Variants in EPAS1 observed in about 807,000 individuals in gnomAD.
The protein encoded by EPAS1 is endothelial PAS domain protein 1.
A neutral mutation model predicts 87.9 loss-of-function variants in EPAS1; 23 were observed. The observed-to-expected ratio is 0.26, with a 90% CI of 0.19 to 0.37. The LOEUF (loss-of-function observed/expected upper bound fraction) is 0.37. EPAS1 is among the 10% of genes least tolerant of loss of function. EPAS1 has a pLI of 1.00. For synonymous variants in EPAS1, 508 were observed against 444.3 expected (o/e 1.14, Z -1.80); for missense variants, 1,138 against 1,120.7 (o/e 1.02, Z -0.22).
At chr2:46,370,065 T>G (rs771035865) in intron 7 of EPAS1, 132 bp downstream of exon 7, 3 of 756,422 alleles carry the variant, frequency 4.0e-6, no homozygotes, top group Admixed American at 2.0e-5. Flanking sequence ...CAGACAAGAC[T>G]TATGCCCTCA....
chr2:46,358,976 C>A (rs1684328144), intron 4 of EPAS1, among the ~76,000 whole-genome samples: 1 of 152,038 alleles, frequency 6.6e-6, no homozygotes, highest in South Asian at 2.1e-4. Context: ...AAAGAATGAA[C>A]AAGGCCAGGC....
chr2:46,325,016 G>A (rs1572620798), intron 1 of EPAS1, among the ~76,000 whole-genome samples: 2 of 152,300 alleles, frequency 1.3e-5, no homozygotes, highest in South Asian at 4.1e-4. Flanking sequence ...TCTTAACATC[G>A]AAAGAGAAGA....
chr2:46,379,968 G>A (rs936941340), intron 11 of EPAS1: 3 of 580,344 alleles, frequency 5.2e-6, no homozygotes, highest in Non-Finnish European at 9.3e-6. Flanking sequence ...AGGTGGGATG[G>A]GGAGAGGAGA....
chr2:46,369,722 T>C (rs1684584883), intron 6 of EPAS1, 105 bp from the exon 7 acceptor site: 1 of 758,942 alleles, frequency 1.3e-6, no homozygotes, highest in African/African-American at 1.7e-5. Flanking sequence ...TGTGTTCATC[T>C]GCATGTGTGT....
At chr2:46,382,753 G>T (rs777820274) in intron 15 of EPAS1, among the ~76,000 whole-genome samples, 155 bp downstream of exon 15, 1 of 152,216 alleles carries the variant, frequency 6.6e-6, no homozygotes, top group Non-Finnish European at 1.5e-5. Flanking sequence ...TGGATTTAGG[G>T]AACCTCCTCA....
intron 6 of EPAS1, among the ~76,000 whole-genome samples, chr2:46,363,468 G>A (rs530860556): frequency 6.6e-6 from 1 of 152,298 alleles, no homozygotes; most frequent in Admixed American, 6.5e-5. Context: ...TCTGGAAGGG[G>A]TAATTCAGCC....
chr2:46,357,372 A>T (rs779294149), intron 4 of EPAS1, among the ~76,000 whole-genome samples: 3 of 152,074 alleles, frequency 2.0e-5, no homozygotes, highest in Non-Finnish European at 4.4e-5. Context: ...GGAACCCTGG[A>T]CTCAGTTGGC....
chr2:46,325,286 A>G (rs1460449612), intron 1 of EPAS1, among the ~76,000 whole-genome samples: 1 of 152,238 alleles, frequency 6.6e-6, no homozygotes, highest in Non-Finnish European at 1.5e-5. Flanking sequence ...TTTTTTAGAT[A>G]GTTCCTTTTG....
intron 6 of EPAS1, among the ~76,000 whole-genome samples, chr2:46,367,895 CTG>C (rs372202131): frequency 5.9e-5 from 9 of 151,448 alleles, no homozygotes; most frequent in Admixed American, 4.6e-4. Flanking sequence ...ATGACAGGTT[CTG>C]TGTGTGTGTG....
At chr2:46,373,477 C>T (rs909563096) in intron 7 of EPAS1, among the ~76,000 whole-genome samples, 52 of 152,298 alleles carry the variant, frequency 3.4e-4, no homozygotes, top group African/African-American at 1.1e-3. Flanking sequence ...ATGCCTGCAA[C>T]GCCATGATGA....
chr2:46,326,379 TA>T (rs1683565490), intron 1 of EPAS1, among the ~76,000 whole-genome samples: 1 of 151,728 alleles, frequency 6.6e-6, no homozygotes, highest in African/African-American at 2.4e-5. Context: ...AAAACGGGGG[TA>T]AAAACCATGA....
At chr2:46,310,782 C>A (rs905981859) in intron 1 of EPAS1, among the ~76,000 whole-genome samples, 5 of 152,254 alleles carry the variant, frequency 3.3e-5, no homozygotes, top group Non-Finnish European at 5.9e-5. Flanking sequence ...TCATCCAAGT[C>A]ACTTTAGCTC....
At chr2:46,379,267 C>G (rs536154232) in intron 11 of EPAS1, among the ~76,000 whole-genome samples, 1 of 152,148 alleles carries the variant, frequency 6.6e-6, no homozygotes, top group Non-Finnish European at 1.5e-5. Flanking sequence ...AATGTTCTTG[C>G]AAAAACTATG....
chr2:46,360,815 G>A lies in EPAS1; in HGVS notation c.573+59G>A. On this transcript the variant is annotated intron_variant, in intron 5 of 15. Transcript: ENST00000263734. The surrounding 1 kb of genome is among the most constrained non-coding windows in gnomAD (Gnocchi z 4.5). Reference sequence around the variant, plus strand: ...GGTGTAGGGTAACGGCGGTGCAGGGGATGCCTAAGGCCCTACCCCCACCCC... The same window carrying A: ...GGTGTAGGGTAACGGCGGTGCAGGGAATGCCTAAGGCCCTACCCCCACCCC... The A allele has an allele frequency of 6.2e-7, 1 of 1,611,352 alleles. No individual in the cohort carries two copies. The highest frequency in any genetic ancestry group is 1.1e-5 in the South Asian group (1 of 91,002).
At chr2:46,334,330 TC>T (rs1275884322) in intron 1 of EPAS1, among the ~76,000 whole-genome samples, 1 of 152,216 alleles carries the variant, frequency 6.6e-6, no homozygotes, top group Non-Finnish European at 1.5e-5. Flanking sequence ...TTATGGATAC[TC>T]AACAAGGTCT....
rs1315673928 is a variant in EPAS1 at position 46,356,191 on chromosome 2, G to C, written c.258G>C (p.Gln86His). 4 of 1,585,508 alleles carry C rather than the reference G, an allele frequency of 2.5e-6. No homozygotes were observed. The highest frequency in any genetic ancestry group is 3.4e-6 in the Non-Finnish European group (4 of 1,164,514). ...AGTCCGAAGCCGAAGCTGACCAGCAGATGGACAACTTGTACCTGAAAGCCT... is the reference window on the plus strand; with the variant it reads ...AGTCCGAAGCCGAAGCTGACCAGCACATGGACAACTTGTACCTGAAAGCCT... ...ENESEAEADQ[Q>H]MDNLYLKALE... The change falls in exon 3 of 16, where the codon CAG becomes CAC. Residue 86 changes from glutamine (Q) to histidine (H), a missense_variant. Gln to His is a conservative substitution (Grantham distance 24). Coordinates refer to ENST00000263734, the MANE Select transcript of EPAS1 (RefSeq NM_001430.5).
Position 46,380,147 on chromosome 2 carries a change from T to G in EPAS1, c.1555-80T>G. On this transcript the variant is annotated intron_variant, in intron 11 of 15. Transcript: ENST00000263734. This position sits in a 1 kb window ranked among gnomAD's most constrained non-coding sequence, Gnocchi z 4.4. ...TGAAACAGTGCTTGAGATGAATGGC[T>G]CTGCAGGAGCTGAGTTGGAATAGTG... 3 of 1,597,102 alleles carry G rather than the reference T, an allele frequency of 1.9e-6. No homozygotes were observed. Among genetic ancestry groups the G allele is most frequent in the Non-Finnish European group, 2.5e-6 (3 of 1,178,074 alleles).
At chr2:46,373,021 G>T (rs1356768509) in intron 7 of EPAS1, among the ~76,000 whole-genome samples, 1 of 152,226 alleles carries the variant, frequency 6.6e-6, no homozygotes, top group Non-Finnish European at 1.5e-5. Flanking sequence ...TGTGGACCCA[G>T]GTAATAAAGA....
At chr2:46,356,024 C>A in intron 2 of EPAS1, 127 bp from the exon 3 acceptor site, 3 of 983,156 alleles carry the variant, frequency 3.1e-6, no homozygotes, top group Non-Finnish European at 4.8e-6. Flanking sequence ...AGATGGTTGG[C>A]AGTATGCGTT....
Sources: gnomAD v4.1 joint callset for allele counts (sites outside exome capture counted in the v4.1 genomes callset) on GRCh38, gnomAD v4.1.1 for gene constraint, Gnocchi (gnomAD v3.1) non-coding constraint, MANE v1.5 for transcripts, NCBI Gene and HGNC (gene_info 2026-07-23, HGNC 2026-07-21) for gene names.